Variants in GPCPD1 observed in about 807,000 individuals in gnomAD.
GPCPD1 encodes the protein glycerophosphocholine phosphodiesterase GPCPD1.
Under a neutral mutation model 89.2 loss-of-function variants are expected in GPCPD1, and 29 were observed. The ratio of observed to expected loss-of-function variants is 0.33; its 90% CI spans 0.24 to 0.44. GPCPD1 has a LOEUF of 0.44. Among genes scored for constraint, GPCPD1 ranks in the 20% least tolerant of loss-of-function variants. GPCPD1 has a pLI of 1.00. For synonymous variants in GPCPD1, 258 were observed against 266.3 expected (o/e 0.97, Z 0.30); for missense variants, 594 against 808.9 (o/e 0.73, Z 3.22).
At chr20:5,602,908 G>A (rs143910322) in intron 2 of GPCPD1, among the ~76,000 whole-genome samples, 1 of 150,938 alleles carries the variant, frequency 6.6e-6, no homozygotes, top group African/African-American at 2.4e-5. Flanking sequence ...GCTTGAATTC[G>A]AGGAGCAGAG....
intron 6 of GPCPD1, 97 bp from the exon 7 acceptor site, chr20:5,580,228 A>C: frequency 5.0e-6 from 3 of 604,742 alleles, no homozygotes; most frequent in South Asian, 2.5e-5. Flanking sequence ...GTTCACATTC[A>C]CTTTTTTTTT....
rs1362111448 is a variant in GPCPD1 at position 5,544,992 on chromosome 20, C to T, written c.*2669G>A. On this transcript the variant is annotated 3_prime_UTR_variant, in exon 20 of 20. Transcript: ENST00000379019. ...TTCCACACAGGGGTGGGTGGTGTGC[C>T]TCACATTTACAGCCGATCATTTACA... The T allele has an allele frequency of 2.6e-5, 4 of 152,084 alleles. No homozygotes were observed. The highest frequency in any genetic ancestry group is 5.9e-5 in the Non-Finnish European group (4 of 68,028). 9.4% of individuals were successfully genotyped at this position (152,084 alleles called of 1,614,324 possible). A position where few individuals can be genotyped will look rare whatever the true frequency, so the allele number is the denominator to read the frequency against.
rs1568644571 is a variant in GPCPD1, at chr20:5,558,061, A to G, written c.1713T>C (p.Tyr571=). The change falls in exon 19 of 20, where the codon TAT becomes TAC. Residue 571 remains tyrosine (Y), a synonymous_variant. Coordinates refer to ENST00000379019, the MANE Select transcript of GPCPD1 (RefSeq NM_019593.5). ...HTEDLLRNPS[Y]IQEAKAKGLV... ...GTCCCTTAGCTTTTGCCTCTTGAAT[A>G]TAGGATGGGTTTCTGAGCAAGTCTT... The G allele has an allele frequency of 1.9e-6, 3 of 1,601,834 alleles. No homozygotes were observed. The highest frequency in any genetic ancestry group is 2.6e-6 in the Non-Finnish European group (3 of 1,169,706).
chr20:5,568,408 A>G (rs753536256), intron 12 of GPCPD1, among the ~76,000 whole-genome samples: 2 of 152,026 alleles, frequency 1.3e-5, no homozygotes, highest in Non-Finnish European at 2.9e-5. Context: ...CTCATTTCAT[A>G]ATCTTCTGAA....
At chr20:5,567,617 AAAGT>A in intron 12 of GPCPD1, 57 bp from the exon 13 acceptor site, 1 of 1,443,810 alleles carries the variant, frequency 6.9e-7, no homozygotes, top group Non-Finnish European at 9.3e-7. Flanking sequence ...AATTAAGAGA[AAAGT>A]AAGCCCTAAA....
rs1466013300 is a variant in GPCPD1 at position 5,546,718 on chromosome 20, C to G, written c.*943G>C. ...CACACGCACATACAAAACAAACCCACAAAGCAACAGTGTGTAATAGGTAGT... is the reference window on the plus strand; with the variant it reads ...CACACGCACATACAAAACAAACCCAGAAAGCAACAGTGTGTAATAGGTAGT... On this transcript the variant is annotated 3_prime_UTR_variant, in exon 20 of 20. Transcript: ENST00000379019. The G allele has an allele frequency of 6.6e-6, 1 of 152,546 alleles. No homozygotes were observed. Among genetic ancestry groups the G allele is most frequent in the Non-Finnish European group, 1.5e-5 (1 of 68,020 alleles). 9.4% of individuals were successfully genotyped at this position (152,546 alleles called of 1,614,324 possible).
At chr20:5,602,721 A>G (rs930714008) in intron 2 of GPCPD1, among the ~76,000 whole-genome samples, 1 of 152,032 alleles carries the variant, frequency 6.6e-6, no homozygotes, top group Non-Finnish European at 1.5e-5. Context: ...GTAATCTCAC[A>G]CCTGTAATCT....
chr20:5,553,207 T>G (rs1404326599), intron 19 of GPCPD1, among the ~76,000 whole-genome samples: 2 of 152,216 alleles, frequency 1.3e-5, no homozygotes, highest in Non-Finnish European at 2.9e-5. Flanking sequence ...CCCACAATAT[T>G]TCAAAGTTCA....
intron 15 of GPCPD1, among the ~76,000 whole-genome samples, chr20:5,563,959 C>T (rs1261494145): frequency 6.6e-6 from 1 of 152,084 alleles, no homozygotes; most frequent in Non-Finnish European, 1.5e-5. Flanking sequence ...AGCTCCACTC[C>T]CCAAATAAGA....
chr20:5,556,777 G>C (rs1416051496), intron 19 of GPCPD1, among the ~76,000 whole-genome samples: 1 of 152,172 alleles, frequency 6.6e-6, no homozygotes, highest in African/African-American at 2.4e-5. Context: ...GCCCCACATT[G>C]TTCTAACCTC....
intron 6 of GPCPD1, among the ~76,000 whole-genome samples, chr20:5,580,486 G>T (rs1978383298): frequency 1.3e-5 from 2 of 152,118 alleles, no homozygotes; most frequent in African/African-American, 4.8e-5. Context: ...AGCACTTTGG[G>T]AGGCCGAGGC....
At chr20:5,586,416 G>T (rs943932070) in intron 4 of GPCPD1, 147 bp from the exon 5 acceptor site, 1 of 557,194 alleles carries the variant, frequency 1.8e-6, no homozygotes, top group African/African-American at 1.9e-5. Flanking sequence ...CCAAAAGCCT[G>T]GAATGTACCA....
intron 13 of GPCPD1, 74 bp downstream of exon 13, chr20:5,567,409 A>G: frequency 6.7e-7 from 1 of 1,481,874 alleles, no homozygotes; most frequent in Non-Finnish European, 9.0e-7. Context: ...TGCAAAGAGA[A>G]CATAACCATA....
chr20:5,566,742 C>T lies in GPCPD1; in HGVS notation c.1258G>A (p.Asp420Asn), dbSNP rs374717840. 2 of 1,576,952 alleles carry T rather than the reference C, an allele frequency of 1.3e-6. No individual in the cohort carries two copies. Among genetic ancestry groups the T allele is most frequent in the Admixed American group, 3.3e-5 (2 of 59,938 alleles). Residue 420 changes from aspartate (D) to asparagine (N), a missense_variant, in exon 14 of 20, where the codon GAT (aspartate) becomes AAT (asparagine). By Grantham distance (23) the Asp-to-Asn change is conservative. Transcript: ENST00000379019. ...LTHVTALKSK[D>N]RKESVVQEEN... ...CCATATTGGTACATACCTTTCCGAT[C>T]CTTAGATTTCAGTGCAGTCACATGA...
In GPCPD1 at chr20:5,566,512, T is replaced by C. The variant is rs1351892725; in HGVS notation, c.1267+221A>G. On this transcript the variant is annotated intron_variant, in intron 14 of 19. Coordinates refer to ENST00000379019, the MANE Select transcript of GPCPD1 (RefSeq NM_019593.5). ...AGATTGATAAGTATTAACACTTTGA[T>C]CATCAAGCTAAGAAAAGCAATGCAA... 2.0e-5 allele frequency among the ~76,000 whole-genome samples: 3 copies of C among 152,342 alleles called. No homozygotes were observed. In the East Asian group the frequency reaches 5.8e-4, roughly 29 times the overall value.
intron 3 of GPCPD1, among the ~76,000 whole-genome samples, chr20:5,595,632 T>G (rs1979661482): frequency 6.7e-6 from 1 of 149,844 alleles, no homozygotes; most frequent in African/African-American, 2.5e-5. Flanking sequence ...CAGAGTGAGA[T>G]TCCATCTCAA....
At chr20:5,610,361 C>T (rs900115335) in intron 1 of GPCPD1, among the ~76,000 whole-genome samples, 12 of 152,098 alleles carry the variant, frequency 7.9e-5, no homozygotes, top group African/African-American at 2.9e-4. Flanking sequence ...ACTACGTGTC[C>T]GGGCAATTTC....
At chr20:5,569,375 C>T (rs955518988) in intron 12 of GPCPD1, among the ~76,000 whole-genome samples, 1 of 152,038 alleles carries the variant, frequency 6.6e-6, no homozygotes, top group Non-Finnish European at 1.5e-5. Context: ...TCTAAGTCCC[C>T]GAGAAATCAC....
chr20:5,573,885 G>A, intron 11 of GPCPD1, 30 bp downstream of exon 11: 3 of 1,127,562 alleles, frequency 2.7e-6, no homozygotes, highest in Non-Finnish European at 4.1e-6. Context: ...CTCTACCTCA[G>A]CAGTCTAAAG....
Sources: allele counts gnomAD v4.1 joint callset (sites outside exome capture counted in the v4.1 genomes callset), GRCh38; gene constraint gnomAD v4.1.1; transcripts MANE v1.5; gene names NCBI Gene and HGNC (gene_info 2026-07-23, HGNC 2026-07-21).